KLF8: variants seen among roughly 807,000 people sequenced by gnomAD.
KLF8 encodes KLF transcription factor 8, also known as Krueppel-like factor 8.
A neutral mutation model predicts 18.2 loss-of-function variants in KLF8; 10 were observed. The observed-to-expected ratio is 0.55, with a 90% CI of 0.34 to 0.93. KLF8 has a LOEUF of 0.93. Ranked by LOEUF, KLF8 falls within the 40% of genes least tolerant of loss-of-function variation. The pLI is 0.02. For missense variants in KLF8, 264 were observed against 277.9 expected (o/e 0.95, Z 0.36); for synonymous variants, 109 against 97.3 (o/e 1.12, Z -0.71).
intron 5 of KLF8, among the ~76,000 whole-genome samples, chrX:56,272,951 C>T (rs1354227870): frequency 9.0e-6 from 1 of 111,235 alleles, no homozygotes; most frequent in African/African-American, 3.3e-5. Context: ...ATTTCTTATC[C>T]TTTTGATCCC....
In KLF8 at chrX:56,262,498, T is replaced by C. The variant is rs748065281; in HGVS notation, c.82-2682T>C. Among the ~76,000 whole-genome samples, 10 of 111,573 alleles carry C rather than the reference T, an allele frequency of 9.0e-5. No homozygotes were observed. In the South Asian group the frequency reaches 3.8e-3, roughly 42 times the overall value. On this transcript the variant is annotated intron_variant, in intron 2 of 5. Coordinates refer to ENST00000468660, the MANE Select transcript of KLF8 (RefSeq NM_007250.5). ...AAAGTTGCCAAAGTCGTGTTTATTTTATAGTTAGGATTCAAAGCTTCAGCT... is the reference window on the plus strand; with the variant it reads ...AAAGTTGCCAAAGTCGTGTTTATTTCATAGTTAGGATTCAAAGCTTCAGCT...
the KLF8 span, among the ~76,000 whole-genome samples, chrX:56,073,216 T>C: frequency 9.0e-6 from 1 of 111,452 alleles, no homozygotes; most frequent in Non-Finnish European, 1.9e-5. Context: ...CTTGATCTCC[T>C]GACCTCGTGA....
At chrX:56,175,899 T>C in the KLF8 span, among the ~76,000 whole-genome samples, 1 of 111,515 alleles carries the variant, frequency 9.0e-6, no homozygotes, top group Non-Finnish European at 1.9e-5. Flanking sequence ...AAGTTTGTTT[T>C]ATCAGAGACT....
At chrX:56,017,461 A>G in the KLF8 span, among the ~76,000 whole-genome samples, 1 of 112,482 alleles carries the variant, frequency 8.9e-6, no homozygotes, top group Non-Finnish European at 1.9e-5. Context: ...TGTAGGAAAG[A>G]GAAAATAGTA....
the KLF8 span, among the ~76,000 whole-genome samples, chrX:55,966,037 G>A: frequency 8.9e-6 from 1 of 112,281 alleles, no homozygotes; most frequent in African/African-American, 3.2e-5. Context: ...GGCATGTGGA[G>A]AGACTTGTCT....
the KLF8 span, among the ~76,000 whole-genome samples, chrX:56,063,743 A>G: frequency 9.0e-6 from 1 of 111,071 alleles, no homozygotes; most frequent in African/African-American, 3.3e-5. Context: ...AGTCCACTGA[A>G]TCTGTGTTCA....
chrX:56,230,774 A>C (rs60713642), upstream of KLF8, among the ~76,000 whole-genome samples: 1 of 111,187 alleles, frequency 9.0e-6, no homozygotes, highest in African/African-American at 3.3e-5. Flanking sequence ...CTTGGCATCC[A>C]AGTTACAGAA....
At chrX:55,940,963 A>T in the KLF8 span, among the ~76,000 whole-genome samples, 1 of 111,887 alleles carries the variant, frequency 8.9e-6, no homozygotes, top group African/African-American at 3.3e-5. Context: ...GGTAATTTAT[A>T]GATTCAATGC....
chrX:56,205,216 T>A, the KLF8 span, among the ~76,000 whole-genome samples: 1 of 111,374 alleles, frequency 9.0e-6, no homozygotes, highest in African/African-American at 3.3e-5. Context: ...TAACAAAGGA[T>A]GTATTTTTTC....
the KLF8 span, among the ~76,000 whole-genome samples, chrX:55,999,233 G>C: frequency 1.1e-5 from 1 of 87,609 alleles, no homozygotes; most frequent in East Asian, 4.0e-4. Context: ...TGCTTTTTTG[G>C]TTACTATAAC....
At chrX:55,967,764 G>C in the KLF8 span, among the ~76,000 whole-genome samples, 1 of 111,385 alleles carries the variant, frequency 9.0e-6, no homozygotes, top group African/African-American at 3.3e-5. Context: ...ACCTTAAATA[G>C]AAAGACAAAC....
Position 56,291,472 on chromosome X carries a change from A to G in KLF8, c.*6978A>G, listed in dbSNP as rs1470339006. ...AGGGTGTGTGCTTGGGGACTAAGCAATCTTGTTCAGTTTAATTATTGTACT... is the reference window on the plus strand; with the variant it reads ...AGGGTGTGTGCTTGGGGACTAAGCAGTCTTGTTCAGTTTAATTATTGTACT... On this transcript the variant is annotated 3_prime_UTR_variant, in exon 6 of 6. Transcript: ENST00000468660. Among the ~76,000 whole-genome samples, 1 of 111,845 alleles carries G rather than the reference A, an allele frequency of 8.9e-6. No individual in the cohort carries two copies. The highest frequency in any genetic ancestry group is 9.5e-5 in the Admixed American group (1 of 10,545).
the KLF8 span, among the ~76,000 whole-genome samples, chrX:56,186,896 A>G: frequency 1.8e-5 from 2 of 112,316 alleles, no homozygotes; most frequent in East Asian, 2.8e-4. Context: ...GGAAATTTAT[A>G]GCACTAAATG....
the KLF8 span, among the ~76,000 whole-genome samples, chrX:55,921,441 C>T: frequency 1.8e-5 from 2 of 111,731 alleles, no homozygotes; most frequent in Non-Finnish European, 1.9e-5. Context: ...TGGTTACTAT[C>T]GGCTGTAGTA....
the KLF8 span, among the ~76,000 whole-genome samples, chrX:56,037,108 A>G: frequency 1.8e-5 from 2 of 111,640 alleles, no homozygotes; most frequent in African/African-American, 6.5e-5. Context: ...AACATGTACA[A>G]TTTGACACCC....
At position 56,285,753 on chromosome X, in the gene KLF8, A is replaced by G. The variant is rs970363202; in HGVS notation, c.*1259A>G. 50 of 111,311 alleles carry G rather than the reference A, an allele frequency of 4.5e-4. No individual in the cohort carries two copies. Among genetic ancestry groups the G allele is most frequent in the African/African-American group, 1.5e-3 (46 of 30,663 alleles). 9.2% of individuals were successfully genotyped at this position (111,311 alleles called of 1,213,427 possible). On this transcript the variant is annotated 3_prime_UTR_variant, in exon 6 of 6. Transcript: ENST00000468660. The stretch of plus-strand genomic sequence containing the variant: ...TATACTCATTTAGCTGCCCAATCAG[A>G]TTGTTTTATAATATTACCTGGGGTA...
chrX:55,908,760 G>C, the KLF8 span: 1 of 282,104 alleles, frequency 3.5e-6, no homozygotes, highest in Admixed American at 6.3e-5. Context: ...AGGCCCCGGG[G>C]CTGGGAGGAG....
At chrX:56,272,320 C>T (rs779038104) in intron 5 of KLF8, among the ~76,000 whole-genome samples, 2 of 111,030 alleles carry the variant, frequency 1.8e-5, no homozygotes, top group South Asian at 3.9e-4. Context: ...AAGCGATTCT[C>T]ATGTCTCAGC....
the KLF8 span, among the ~76,000 whole-genome samples, chrX:56,008,445 G>T: frequency 9.0e-6 from 1 of 111,720 alleles, no homozygotes; most frequent in Non-Finnish European, 1.9e-5. Context: ...ACTCCCACCC[G>T]CAACGAAGGG....
Sources: allele counts gnomAD v4.1 joint callset (sites outside exome capture counted in the v4.1 genomes callset), GRCh38; gene constraint gnomAD v4.1.1; transcripts MANE v1.5; gene names NCBI Gene and HGNC (gene_info 2026-07-23, HGNC 2026-07-21).